CEP170: variants seen among roughly 807,000 people sequenced by gnomAD.
CEP170 encodes the protein centrosomal protein of 170 kDa.
CEP170 carries 21 observed loss-of-function variants against 151.9 expected under a neutral mutation model. That is an observed-to-expected ratio of 0.14 (90% CI 0.10 to 0.20). The LOEUF is 0.20. Ranked by LOEUF, CEP170 falls within the 10% of genes least tolerant of loss-of-function variation. The probability of loss-of-function intolerance (pLI) is 1.00; values close to 1 mark genes in which losing one functional copy is unlikely to be tolerated. For missense variants in CEP170, 964 were observed against 1,892.9 expected (o/e 0.51, Z 9.11); for synonymous variants, 356 against 648.8 (o/e 0.55, Z 6.86).
At chr1:243,126,929 C>A (rs2053763880) in intron 19 of CEP170, among the ~76,000 whole-genome samples, 191 bp from the exon 20 acceptor site, 1 of 152,186 alleles carries the variant, frequency 6.6e-6, no homozygotes, top group Admixed American at 6.5e-5. Flanking sequence ...GCCCTGAATA[C>A]TTTCTCTGGG....
intron 19 of CEP170, among the ~76,000 whole-genome samples, chr1:243,127,498 C>T (rs1242069143): frequency 6.6e-6 from 1 of 152,012 alleles, no homozygotes; most frequent in Non-Finnish European, 1.5e-5. Flanking sequence ...AAAAGTATAC[C>T]CCCAGTCTAC....
intron 13 of CEP170, among the ~76,000 whole-genome samples, chr1:243,161,571 G>T (rs1351746803): frequency 6.6e-6 from 1 of 152,138 alleles, no homozygotes; most frequent in Non-Finnish European, 1.5e-5. Context: ...CTGGGCTCAA[G>T]TAATCCTCTA....
rs561962031 is a variant in CEP170, at chr1:243,217,947, G to A, written c.195+3777C>T. Among the ~76,000 whole-genome samples the A allele has an allele frequency of 2.0e-5, 3 of 152,310 alleles. No homozygotes were observed. In the South Asian group the frequency reaches 6.2e-4, roughly 32 times the overall value. ...TTCCACATCAAGATTAGGTGCCCAA[G>A]CTAAACCAGCTCCCGAAATTCCTCC... is the stretch of plus-strand genomic sequence containing the variant. On this transcript the variant is annotated intron_variant, in intron 3 of 19. Coordinates refer to ENST00000366542, the MANE Select transcript of CEP170 (RefSeq NM_014812.3).
chr1:243,194,619 C>T (rs1386488311), intron 7 of CEP170, among the ~76,000 whole-genome samples: 3 of 151,718 alleles, frequency 2.0e-5, no homozygotes, highest in African/African-American at 7.3e-5. Context: ...AAGTGTGGTC[C>T]AACTACACTT....
intron 13 of CEP170, among the ~76,000 whole-genome samples, chr1:243,157,430 G>A (rs1425081812): frequency 2.6e-5 from 4 of 152,162 alleles, no homozygotes; most frequent in African/African-American, 9.7e-5. Context: ...AACAAGGGCA[G>A]GAACCATGTC....
In CEP170 at chr1:243,186,195, A is replaced by G. The variant is rs781665480; in HGVS notation, c.1272+64T>C. ...ATTCCCGCACTTTGAGTAAAAGAAT[A>G]CGACCTTCTTTTTCTGGGATTGTCT... On this transcript the variant is annotated intron_variant, in intron 9 of 19. Transcript: ENST00000366542. The G allele has an allele frequency of 3.7e-6, 6 of 1,612,830 alleles. No homozygotes were observed. The Admixed American group carries it at 1.0e-4, about 27-fold the overall frequency.
At chr1:243,155,899 A>C (rs1205062721) in intron 14 of CEP170, among the ~76,000 whole-genome samples, 1 of 152,134 alleles carries the variant, frequency 6.6e-6, no homozygotes, top group Non-Finnish European at 1.5e-5. Context: ...TGCAGTTCTT[A>C]ATTATGTAGA....
intron 7 of CEP170, among the ~76,000 whole-genome samples, chr1:243,191,795 T>G (rs1325860872): frequency 2.0e-5 from 3 of 152,172 alleles, no homozygotes; most frequent in Non-Finnish European, 4.4e-5. Flanking sequence ...AACCTGGATC[T>G]AGAATTCATC....
At chr1:243,212,407 T>C (rs2148915066) in intron 3 of CEP170, among the ~76,000 whole-genome samples, 1 of 152,002 alleles carries the variant, frequency 6.6e-6, no homozygotes, top group South Asian at 2.1e-4. Context: ...AAGAAGAAAA[T>C]TTACTTTAAG....
Position 243,172,803 on chromosome 1 carries a change from A to C in CEP170, c.1610T>G (p.Ile537Ser). The change falls in exon 11 of 20, where the codon ATC (isoleucine) becomes AGC (serine). Residue 537 changes from isoleucine to serine, a missense_variant. Transcript: ENST00000366542. The stretch of plus-strand genomic sequence containing the variant: ...TATTAGATCTTTATGTTTTTCGTTG[A>C]TAACAGGCCTATTATAATCCTGATT... ...DDNQDYNRPVINEKHKDLIKD... is the reference protein window; with the variant it reads ...DDNQDYNRPVSNEKHKDLIKD... 6.4e-7 allele frequency: 1 copy of C among 1,574,712 alleles called. No homozygotes were observed. The highest frequency in any genetic ancestry group is 8.6e-7 in the Non-Finnish European group (1 of 1,158,856).
chr1:243,240,488 G>A (rs977867755), intron 1 of CEP170, among the ~76,000 whole-genome samples: 1 of 152,094 alleles, frequency 6.6e-6, no homozygotes, highest in Non-Finnish European at 1.5e-5. Context: ...ATCACCTTAA[G>A]CTAATGGCTC....
At chr1:243,177,517 C>T (rs567013540) in intron 10 of CEP170, among the ~76,000 whole-genome samples, 6 of 152,288 alleles carry the variant, frequency 3.9e-5, no homozygotes, top group African/African-American at 1.4e-4. Context: ...CATCTTCCTC[C>T]TCAATGAGCA....
intron 1 of CEP170, among the ~76,000 whole-genome samples, chr1:243,251,521 T>C (rs1017184172): frequency 6.6e-5 from 10 of 152,292 alleles, no homozygotes; most frequent in African/African-American, 1.4e-4. Flanking sequence ...TAGAAGTTTG[T>C]TGCAGAAATT....
intron 14 of CEP170, among the ~76,000 whole-genome samples, chr1:243,149,271 T>C (rs987113637): frequency 5.9e-5 from 9 of 152,226 alleles, no homozygotes; most frequent in Non-Finnish European, 8.8e-5. Context: ...AGCAAACCTA[T>C]GCTATCTCCA....
chr1:243,175,358 C>T (rs1170480893), intron 10 of CEP170, among the ~76,000 whole-genome samples: 1 of 152,160 alleles, frequency 6.6e-6, no homozygotes, highest in East Asian at 1.9e-4. Context: ...TAGGGCCTGA[C>T]CTACTACAGT....
rs1394605314 is a variant in CEP170 at position 243,125,948 on chromosome 1, GA to G, written c.*500del. ...GTTGTGAAAGGTCTGCTTTACTGTG[GA>G]GAGTACTTATGTCATTGTGTCCAAT... On this transcript the variant is annotated 3_prime_UTR_variant, in exon 20 of 20. Coordinates refer to ENST00000366542, the MANE Select transcript of CEP170 (RefSeq NM_014812.3). The G allele has an allele frequency of 2.9e-6, 1 of 345,998 alleles. No homozygotes were observed. Among genetic ancestry groups the G allele is most frequent in the East Asian group, 7.4e-5 (1 of 13,534 alleles). 21.4% of individuals were successfully genotyped at this position (345,998 alleles called of 1,614,324 possible).
Position 243,185,987 on chromosome 1 carries a change from A to G in CEP170, c.1358T>C (p.Ile453Thr), listed in dbSNP as rs2059913771. 2 of 1,613,768 alleles carry G rather than the reference A, an allele frequency of 1.2e-6. No homozygotes were observed. The highest frequency in any genetic ancestry group is 8.5e-7 in the Non-Finnish European group (1 of 1,179,712). Residue 453 changes from isoleucine (I) to threonine (T), a missense_variant, in exon 10 of 20, where the codon ATA becomes ACA. By Grantham distance (89) the Ile-to-Thr change is moderately conservative. Transcript: ENST00000366542. This position sits in a 1 kb window ranked among gnomAD's most constrained non-coding sequence, Gnocchi z 4.9. ...TAATAATGCAGTTTGTAGGAAGGGT[A>G]TTGACACCGATGGCTCCTCTGATTT... Reference protein sequence around the residue: ...KQKSEEPSVSIPFLQTALLRS... With the variant: ...KQKSEEPSVSTPFLQTALLRS...
chr1:243,244,988 A>T (rs945572257), intron 1 of CEP170, among the ~76,000 whole-genome samples: 2 of 152,200 alleles, frequency 1.3e-5, no homozygotes, highest in African/African-American at 4.8e-5. Context: ...TGTTGGGTAA[A>T]AATAACAAAT....
chr1:243,158,144 A>C (rs1418952414), intron 13 of CEP170, among the ~76,000 whole-genome samples: 2 of 152,360 alleles, frequency 1.3e-5, no homozygotes, highest in South Asian at 2.1e-4. Flanking sequence ...AATTTTAGGA[A>C]AAGTTTAGAA....
Sources: gnomAD v4.1 joint callset for allele counts (sites outside exome capture counted in the v4.1 genomes callset) on GRCh38, gnomAD v4.1.1 for gene constraint, Gnocchi (gnomAD v3.1) non-coding constraint, MANE v1.5 for transcripts, NCBI Gene and HGNC (gene_info 2026-07-23, HGNC 2026-07-21) for gene names.